LRRC71: variants seen among roughly 807,000 people sequenced by gnomAD.
LRRC71 encodes the protein leucine rich repeat containing 71, also known as leucine-rich repeat-containing protein 71.
LRRC71 carries 54 observed loss-of-function variants against 66.6 expected under a neutral mutation model. That is an observed-to-expected ratio of 0.81 (90% confidence interval 0.65 to 1.02). The LOEUF (loss-of-function observed/expected upper bound fraction) is 1.02. Among genes scored for constraint, LRRC71 ranks in the 50% least tolerant of loss-of-function variants. The probability of loss-of-function intolerance (pLI) is 0.00; values close to 1 mark genes in which losing one functional copy is unlikely to be tolerated. For synonymous variants in LRRC71, 323 were observed against 303.9 expected, an observed-to-expected ratio of 1.06 and a Z score of -0.65; for missense variants, 724 against 718.0, an observed-to-expected ratio of 1.01 and a Z score of -0.10.
At chr1:156,925,849 GC>G (rs1653119913) in intron 5 of LRRC71, among the ~76,000 whole-genome samples, 3 of 152,220 alleles carry the variant, frequency 2.0e-5, no homozygotes, top group Admixed American at 2.0e-4. Flanking sequence ...GGGGTCCCCA[GC>G]ACTCTGTGTA....
rs762027423 is a variant in LRRC71, at chr1:156,927,539, G to A, written c.706G>A (p.Gly236Arg). 6.4e-7 allele frequency: 1 copy of A among 1,556,782 alleles called. No homozygotes were observed. Among genetic ancestry groups the A allele is most frequent in the East Asian group, 2.3e-5 (1 of 44,396 alleles). Reference protein sequence around the residue: ...SLRNNNIDDRGAQLLGQALST... With the variant: ...SLRNNNIDDRRAQLLGQALST... ...GCGGAACAATAACATCGACGACCGCGGGGCGCAACTCCTGGGCCAGGCGCT... is the reference window on the plus strand; with the variant it reads ...GCGGAACAATAACATCGACGACCGCAGGGCGCAACTCCTGGGCCAGGCGCT... Residue 236 changes from glycine (G) to arginine (R), a missense_variant, in exon 7 of 15, where the codon GGG (glycine) becomes AGG (arginine). By Grantham distance (125) the Gly-to-Arg change is moderately radical. Coordinates refer to ENST00000337428, the MANE Select transcript of LRRC71 (RefSeq NM_144702.3).
At position 156,929,333 on chromosome 1, in the gene LRRC71, G is replaced by T. The variant is rs200418769; in HGVS notation, c.1050G>T (p.Met350Ile). 2 of 1,612,866 alleles carry T rather than the reference G, an allele frequency of 1.2e-6. No homozygotes were observed. Among genetic ancestry groups the T allele is most frequent in the East Asian group, 4.5e-5 (2 of 44,842 alleles). Residue 350 changes from methionine (M) to isoleucine (I), a missense_variant, in exon 10 of 15, where the codon ATG (methionine) becomes ATT (isoleucine). Coordinates refer to ENST00000337428, the MANE Select transcript of LRRC71 (RefSeq NM_144702.3). ...AAACGGACCGTGAGAAGAGTCAGAT[G>T]GTAGGGATCAGCAATAGTGCATTGG... ...DSKTDREKSQ[M>I]VGISNSALVD...
downstream of LRRC71, among the ~76,000 whole-genome samples, chr1:156,934,112 G>A (rs1185959399): frequency 6.6e-6 from 1 of 152,182 alleles, no homozygotes; most frequent in African/African-American, 2.4e-5. Context: ...CCCAGCTTCT[G>A]CAGGGAAACT....
chr1:156,939,755 G>T, the LRRC71 span: 9 of 1,614,022 alleles, frequency 5.6e-6, no homozygotes, highest in Admixed American at 1.2e-4. Flanking sequence ...CCCCCAGGGG[G>T]TGCTTGCCCT....
intron 12 of LRRC71, 79 bp from the exon 13 acceptor site, chr1:156,931,837 T>A (rs1035336664): frequency 8.7e-7 from 1 of 1,143,856 alleles, no homozygotes; most frequent in Non-Finnish European, 1.3e-6. Context: ...AAAACATGTA[T>A]GTTGAATGAA....
At chr1:156,935,040 G>A (rs1347705817), downstream of LRRC71, 2 of 151,660 alleles carry the variant, frequency 1.3e-5, no homozygotes, top group Non-Finnish European at 2.9e-5. Flanking sequence ...GTTGGGTGAG[G>A]ACGTGGTGAT....
downstream of LRRC71, among the ~76,000 whole-genome samples, chr1:156,936,497 A>AAAAAAAAAAT (rs370282821): frequency 1.2e-4 from 4 of 33,938 alleles, no homozygotes; most frequent in African/African-American, 4.6e-4. Context: ...AAAAAAAAAA[A>AAAAAAAAAAT]ATATATATAT....
At chr1:156,937,147 C>T, downstream of LRRC71, 5 of 1,578,940 alleles carry the variant, frequency 3.2e-6, no homozygotes, top group Non-Finnish European at 4.3e-6. Flanking sequence ...TGGGCCAGGA[C>T]AGGATCTAGG....
chr1:156,927,694 G>A (rs990554404), intron 7 of LRRC71, 39 bp downstream of exon 7: 6 of 1,605,508 alleles, frequency 3.7e-6, no homozygotes, highest in South Asian at 2.2e-5. Context: ...GGGAGCAGGG[G>A]CGGCTTGGGC....
chr1:156,935,955 C>T, downstream of LRRC71: 2 of 1,588,032 alleles, frequency 1.3e-6, no homozygotes, highest in Non-Finnish European at 1.7e-6. Context: ...CAGGCCAGTC[C>T]CTGAAGGAGG....
downstream of LRRC71, chr1:156,936,193 G>A (rs748328591): frequency 2.3e-5 from 22 of 961,492 alleles, no homozygotes; most frequent in South Asian, 3.9e-5. Flanking sequence ...CCAGTTTCTC[G>A]TAGGGCTTGA....
intron 11 of LRRC71, among the ~76,000 whole-genome samples, chr1:156,930,044 C>CTCTTTCTTTCTTTTT (rs1553189671): frequency 1.6e-5 from 2 of 127,906 alleles, no homozygotes; most frequent in South Asian, 2.7e-4. Context: ...TTCTTTCTTT[C>CTCTTTCTTTCTTTTT]TCTTTCTTTC....
chr1:156,939,010 C>T, the LRRC71 span: 1 of 183,564 alleles, frequency 5.4e-6, no homozygotes, highest in Non-Finnish European at 1.1e-5. Context: ...ACCCGGGGTG[C>T]CCTCCCTGCC....
the LRRC71 span, chr1:156,939,456 G>C: frequency 6.4e-7 from 1 of 1,564,876 alleles, no homozygotes; most frequent in Non-Finnish European, 8.7e-7. Context: ...CGGTACCCAG[G>C]GGGAGTATAG....
At chr1:156,932,795 TGCCAG>T in intron 14 of LRRC71, 53 bp from the exon 15 acceptor site, 1 of 1,358,382 alleles carries the variant, frequency 7.4e-7, no homozygotes, top group Admixed American at 2.1e-5. Flanking sequence ...TTTTTTTTTC[TGCCAG>T]AGGACTAATC....
chr1:156,922,346 T>C lies in LRRC71; in HGVS notation c.160+1383T>C, dbSNP rs1394586538. ...GAGAGGTAGGAGAGAATGGGAGTGA[T>C]GCCTGCACAGGCACCTGGATAGGAC... is the stretch of plus-strand genomic sequence containing the variant. On this transcript the variant is annotated intron_variant, in intron 1 of 14. Transcript: ENST00000337428. 3.3e-5 allele frequency among the ~76,000 whole-genome samples: 5 copies of C among 152,070 alleles called. No individual in the cohort carries two copies. The South Asian group carries it at 6.2e-4, about 19-fold the overall frequency.
chr1:156,921,825 T>G (rs567411757), intron 1 of LRRC71: 229 of 219,614 alleles, frequency 1.0e-3, no homozygotes, highest in Non-Finnish European at 1.5e-3. Flanking sequence ...ACCGGACTAT[T>G]TCAACAGCCT....
rs1309572808 is a variant in LRRC71, at chr1:156,924,973, C to A, written c.551C>A (p.Thr184Asn). 6 of 1,551,688 alleles carry A rather than the reference C, an allele frequency of 3.9e-6. No individual in the cohort carries two copies. Among genetic ancestry groups the A allele is most frequent in the Admixed American group, 2.0e-5 (1 of 51,008 alleles). Residue 184 changes from threonine to asparagine, a missense_variant, in exon 5 of 15, where the codon ACC (threonine) becomes AAC (asparagine). Coordinates refer to ENST00000337428, the MANE Select transcript of LRRC71 (RefSeq NM_144702.3). Reference protein sequence around the residue: ...WKVGLTDKTLTTFIELLPLCS... With the variant: ...WKVGLTDKTLNTFIELLPLCS... ...GTGGGGCTGACCGATAAGACCCTGA[C>A]CACCTTCATCGAGCTCCTGCCTCTC...
intron 12 of LRRC71, 37 bp downstream of exon 12, chr1:156,930,654 C>A (rs984228244): frequency 6.5e-7 from 1 of 1,529,880 alleles, no homozygotes; most frequent in East Asian, 2.5e-5. Context: ...GGGGGCACAC[C>A]CCTGGGATTC....
Sources: allele counts gnomAD v4.1 joint callset (sites outside exome capture counted in the v4.1 genomes callset), GRCh38; gene constraint gnomAD v4.1.1; transcripts MANE v1.5; gene names NCBI Gene and HGNC (gene_info 2026-07-23, HGNC 2026-07-21).